Variants in NCOR2 observed in about 807,000 individuals in gnomAD.
NCOR2 encodes nuclear receptor corepressor 2.
A neutral mutation model predicts 262.9 loss-of-function variants in NCOR2; 81 were observed. The ratio of observed to expected loss-of-function variants is 0.31; its 90% CI spans 0.26 to 0.37. The LOEUF (loss-of-function observed/expected upper bound fraction) is 0.37, where lower values mean the gene tolerates loss of function less well. Among genes scored for constraint, NCOR2 ranks in the 10% least tolerant of loss-of-function variants. The probability of loss-of-function intolerance (pLI) is 1.00; values close to 1 mark genes in which losing one functional copy is unlikely to be tolerated. For synonymous variants in NCOR2, 1,659 were observed against 1,559.3 expected (o/e 1.06, Z -1.51); for missense variants, 3,385 against 3,621.4 (o/e 0.93, Z 1.68).
intron 1 of NCOR2, among the ~76,000 whole-genome samples, chr12:124,554,773 C>T (rs963637609): frequency 1.3e-5 from 2 of 152,228 alleles, no homozygotes; most frequent in Non-Finnish European, 2.9e-5. Context: ...GCCCAGGTGC[C>T]GGGAGATGCA....
chr12:124,347,678 C>T (rs571989549), intron 30 of NCOR2, 147 bp downstream of exon 32: 17 of 750,350 alleles, frequency 2.3e-5, no homozygotes, highest in African/African-American at 3.5e-5. Context: ...CCGTAGCTCA[C>T]GTACTGATCA....
intron 20 of NCOR2, among the ~76,000 whole-genome samples, chr12:124,365,744 C>G (rs1413406618): frequency 6.6e-6 from 1 of 151,884 alleles, no homozygotes; most frequent in Admixed American, 6.5e-5. Context: ...TCCACCTGTC[C>G]AGACCCTGCT....
rs1049874320 is a variant in NCOR2 at position 124,481,778 on chromosome 12, C to G, written c.411+1818G>C. ...CAGGAGCCATGGATGGTTTGGAGCA[C>G]AGGGGGGAACACACAGGGGGATGCA... On this transcript the variant is annotated intron_variant, in intron 3 of 46. Coordinates refer to ENST00000405201, the Ensembl canonical transcript of NCOR2. This position sits in a 1 kb window ranked among gnomAD's most constrained non-coding sequence, Gnocchi z 4.6. Among the ~76,000 whole-genome samples, 1 of 152,030 alleles carries G rather than the reference C, an allele frequency of 6.6e-6. No homozygotes were observed. The highest frequency in any genetic ancestry group is 1.5e-5 in the Non-Finnish European group (1 of 68,002).
intron 43 of NCOR2, 115 bp downstream of exon 45, chr12:124,332,204 C>T: frequency 1.6e-5 from 22 of 1,357,398 alleles, no homozygotes; most frequent in Non-Finnish European, 2.2e-5. Context: ...AGCAGGGCCA[C>T]TTAGCTTTCG....
chr12:124,396,075 C>A (rs923463474), intron 16 of NCOR2, among the ~76,000 whole-genome samples: 2 of 152,296 alleles, frequency 1.3e-5, no homozygotes, highest in East Asian at 3.9e-4. Flanking sequence ...GAGCCAGACA[C>A]AAAAGGCCAC....
intron 23 of NCOR2, 98 bp from the exon 26 acceptor site, chr12:124,355,669 C>T: frequency 7.0e-7 from 1 of 1,429,824 alleles, no homozygotes; most frequent in Non-Finnish European, 9.1e-7. Flanking sequence ...CCTGTCCTGG[C>T]CAGGAAGTGC....
intron 18 of NCOR2, among the ~76,000 whole-genome samples, chr12:124,376,588 G>C (rs2040018076): frequency 6.6e-6 from 1 of 152,206 alleles, no homozygotes; most frequent in Admixed American, 6.5e-5. Context: ...AAAGCTGGTG[G>C]GGAGGCCAGA....
chr12:124,522,004 A>C (rs1472917691), intron 1 of NCOR2, among the ~76,000 whole-genome samples: 1 of 152,144 alleles, frequency 6.6e-6, no homozygotes, highest in Non-Finnish European at 1.5e-5. Flanking sequence ...GCAACAGAGC[A>C]AGGCCGCATC....
At chr12:124,339,893 G>GGCCC in intron 37 of NCOR2, 113 bp downstream of exon 39, 40 of 565,928 alleles carry the variant, frequency 7.1e-5, no homozygotes, top group Non-Finnish European at 8.5e-5. Context: ...CCACACATCT[G>GGCCC]CCCACCCACC....
intron 1 of NCOR2, among the ~76,000 whole-genome samples, chr12:124,528,036 C>T (rs1010020508): frequency 9.9e-5 from 15 of 152,282 alleles, no homozygotes; most frequent in Admixed American, 9.2e-4. Context: ...CAGGATGGCC[C>T]GAGGCCTCCT....
intron 46 of NCOR2, 33 bp from the exon 49 acceptor site, chr12:124,325,616 C>T: frequency 7.9e-7 from 1 of 1,258,652 alleles, no homozygotes; most frequent in Non-Finnish European, 1.0e-6. Flanking sequence ...CCCAGGAGGC[C>T]TCTGTGAGCC....
At chr12:124,390,383 A>G (rs1252853124) in intron 16 of NCOR2, among the ~76,000 whole-genome samples, 1 of 151,666 alleles carries the variant, frequency 6.6e-6, no homozygotes, top group Non-Finnish European at 1.5e-5. Flanking sequence ...TGCTGCCTCC[A>G]CGGGTTTTCT....
rs373506366 is a variant in NCOR2 at position 124,354,946 on chromosome 12, G to A, written c.3382-7C>T. 1.2e-6 allele frequency: 2 copies of A among 1,611,846 alleles called. No individual in the cohort carries two copies. Among genetic ancestry groups the A allele is most frequent in the Non-Finnish European group, 1.7e-6 (2 of 1,178,992 alleles). On this transcript the variant is annotated splice_polypyrimidine_tract_variant and splice_region_variant and intron_variant, in intron 24 of 46. Transcript: ENST00000405201. ...GGAGCTGGACCGACATTCCCTGTAGGGGCGGAGTTGTGGGGTCACAGGGGC... is the reference window on the plus strand; with the variant it reads ...GGAGCTGGACCGACATTCCCTGTAGAGGCGGAGTTGTGGGGTCACAGGGGC...
In NCOR2 at chr12:124,504,578, G is replaced by C. The variant is rs1252826184; in HGVS notation, c.-117-9210C>G. On this transcript the variant is annotated intron_variant, in intron 1 of 46. Transcript: ENST00000404621. This position sits in a 1 kb window ranked among gnomAD's most constrained non-coding sequence, Gnocchi z 4.5. Reference sequence around the variant, plus strand: ...AAACTGGTGACAAAACAAACAGAAAGGATTAGAATGCCCACAGCAGCACTA... The same window carrying C: ...AAACTGGTGACAAAACAAACAGAAACGATTAGAATGCCCACAGCAGCACTA... 6.6e-6 allele frequency among the ~76,000 whole-genome samples: 1 copy of C among 152,148 alleles called. No homozygotes were observed. The highest frequency in any genetic ancestry group is 2.4e-5 in the African/African-American group (1 of 41,428).
intron 46 of NCOR2, 50 bp from the exon 49 acceptor site, chr12:124,325,633 C>G (rs1310826351): frequency 3.3e-6 from 4 of 1,201,168 alleles, no homozygotes; most frequent in Non-Finnish European, 4.2e-6. Context: ...AGCCCGGCAG[C>G]CCCTGCTGGC....
At chr12:124,484,005 T>G (rs1442460088) in intron 2 of NCOR2, among the ~76,000 whole-genome samples, 4 of 151,696 alleles carry the variant, frequency 2.6e-5, no homozygotes, top group Non-Finnish European at 5.9e-5. Flanking sequence ...AGGGAGGGAG[T>G]GTGCTACGGT....
chr12:124,543,374 T>C (rs1454510736), intron 1 of NCOR2, among the ~76,000 whole-genome samples: 5 of 152,132 alleles, frequency 3.3e-5, no homozygotes, highest in Admixed American at 2.0e-4. Context: ...ATAACAGCCC[T>C]CACTTCCTGC....
chr12:124,326,977 G>A (rs2034717114), intron 45 of NCOR2, among the ~76,000 whole-genome samples: 1 of 152,226 alleles, frequency 6.6e-6, no homozygotes, highest in African/African-American at 2.4e-5. Flanking sequence ...GGGCAGCTGA[G>A]GACACATAGT....
intron 3 of NCOR2, among the ~76,000 whole-genome samples, chr12:124,479,266 A>G (rs919566758): frequency 3.3e-5 from 5 of 151,570 alleles, no homozygotes; most frequent in African/African-American, 1.2e-4. Flanking sequence ...ACACAAACAC[A>G]CGCACACATG....
Sources: gnomAD v4.1 joint callset for allele counts (sites outside exome capture counted in the v4.1 genomes callset) on GRCh38, gnomAD v4.1.1 for gene constraint, Gnocchi (gnomAD v3.1) non-coding constraint, MANE v1.5 for transcripts, NCBI Gene and HGNC (gene_info 2026-07-23, HGNC 2026-07-21) for gene names.